Variants in GNAL observed in about 807,000 individuals in gnomAD.
The protein encoded by GNAL is G protein subunit alpha L.
In GNAL, 18 loss-of-function variants were observed where a neutral mutation model predicts 55.1. The ratio of observed to expected loss-of-function variants is 0.33; its 90% CI spans 0.23 to 0.48. GNAL has a LOEUF of 0.48. Among genes scored for constraint, GNAL ranks in the 20% least tolerant of loss-of-function variants. GNAL has a pLI of 0.99. For synonymous variants in GNAL, 253 were observed against 237.0 expected, an observed-to-expected ratio of 1.07 and a Z score of -0.62; for missense variants, 412 against 614.1, an observed-to-expected ratio of 0.67 and a Z score of 3.48.
chr18:11,710,208 G>A (rs1423742113), intron 1 of GNAL, among the ~76,000 whole-genome samples: 1 of 152,054 alleles, frequency 6.6e-6, no homozygotes, highest in Non-Finnish European at 1.5e-5. Flanking sequence ...AAGGATTTTT[G>A]CTTCTGTGGA....
chr18:11,843,708 T>C (rs2143745925), intron 5 of GNAL, among the ~76,000 whole-genome samples: 1 of 152,138 alleles, frequency 6.6e-6, no homozygotes, highest in Non-Finnish European at 1.5e-5. Flanking sequence ...GCACAGTGGC[T>C]CACACCTGTA....
At chr18:11,818,122 A>G (rs1318318268) in intron 4 of GNAL, among the ~76,000 whole-genome samples, 1 of 152,034 alleles carries the variant, frequency 6.6e-6, no homozygotes, top group Non-Finnish European at 1.5e-5. Flanking sequence ...AGTCTCAGCT[A>G]GTCAGGAGGC....
rs2031184934 is a variant in GNAL, at chr18:11,689,952, C to T, written c.376+13C>T. ...CTCCTGCTGCTCGGTAGGTCCCGGC[C>T]GCGAGGTCGGCTGACGCCCCGGGGA... On this transcript the variant is annotated intron_variant, in intron 1 of 11. Coordinates refer to ENST00000334049, the MANE Select transcript of GNAL (RefSeq NM_182978.4). 1 of 1,278,904 alleles carries T rather than the reference C, an allele frequency of 7.8e-7. No homozygotes were observed. Among genetic ancestry groups the T allele is most frequent in the Non-Finnish European group, 9.9e-7 (1 of 1,008,290 alleles). The allele number at this position is 1,278,904 out of a possible 1,614,324, so 79.2% of individuals were successfully genotyped here. A position where few individuals can be genotyped will look rare whatever the true frequency, so the allele number is the denominator to read the frequency against.
intron 5 of GNAL, among the ~76,000 whole-genome samples, chr18:11,832,285 T>C (rs1174994754): frequency 6.6e-6 from 1 of 152,174 alleles, no homozygotes; most frequent in Non-Finnish European, 1.5e-5. Flanking sequence ...TTAGGGTACA[T>C]CCATTTCAAT....
chr18:11,884,840 C>T lies in GNAL; in HGVS notation c.*3705C>T, dbSNP rs2036945841. 3 of 1,385,798 alleles carry T rather than the reference C, an allele frequency of 2.2e-6. No individual in the cohort carries two copies. The highest frequency in any genetic ancestry group is 3.0e-5 in the Admixed American group (1 of 33,498). The allele number at this position is 1,385,798 out of a possible 1,614,324, so 85.8% of individuals were successfully genotyped here. ...GCTCCAGCAGGAGAGACAAGTAAGG[C>T]CCAAGTGTGCCTGAGTGGAAAATGT... On this transcript the variant is annotated 3_prime_UTR_variant, in exon 12 of 12. Coordinates refer to ENST00000334049, the MANE Select transcript of GNAL (RefSeq NM_182978.4).
At position 11,867,542 on chromosome 18, in the gene GNAL, T is replaced by C. The variant is rs545680572; in HGVS notation, c.910+316T>C. Among the ~76,000 whole-genome samples the C allele has an allele frequency of 2.0e-5, 3 of 151,812 alleles. No individual in the cohort carries two copies. The East Asian group carries it at 5.8e-4, about 30-fold the overall frequency. On this transcript the variant is annotated intron_variant, in intron 8 of 11. Transcript: ENST00000334049. The stretch of plus-strand genomic sequence containing the variant: ...AAAAATACAAAAATTAGGCCGGGCG[T>C]GGTGGCTCATACCTGTAATCCCAGC...
At chr18:11,813,578 G>A (rs2034878446) in intron 4 of GNAL, among the ~76,000 whole-genome samples, 1 of 152,224 alleles carries the variant, frequency 6.6e-6, no homozygotes. Flanking sequence ...AACAAAGTTG[G>A]AGAAGTTAGA....
chr18:11,771,724 G>C (rs1167391992), intron 4 of GNAL, among the ~76,000 whole-genome samples: 1 of 150,832 alleles, frequency 6.6e-6, no homozygotes, highest in Non-Finnish European at 1.5e-5. Flanking sequence ...TTTGTTGTTT[G>C]TTTGTTTTGA....
chr18:11,716,927 A>G (rs1346540011), intron 1 of GNAL, among the ~76,000 whole-genome samples: 1 of 152,194 alleles, frequency 6.6e-6, no homozygotes, highest in East Asian at 1.9e-4. Context: ...GCTGCCTGCC[A>G]GTCCCGCACG....
intron 8 of GNAL, among the ~76,000 whole-genome samples, chr18:11,867,707 A>G (rs9303750): frequency 0.38 from 57,318 of 151,760 alleles, 13,795 homozygotes; most frequent in African/African-American, 0.69. Flanking sequence ...CCAGCTACTC[A>G]GGAGGCTGAG....
At chr18:11,738,341 C>T (rs776303496) in intron 1 of GNAL, among the ~76,000 whole-genome samples, 6 of 152,116 alleles carry the variant, frequency 3.9e-5, no homozygotes, top group Non-Finnish European at 8.8e-5. Flanking sequence ...CTTCTTGTAG[C>T]ATGCATTGGC....
chr18:11,781,894 A>G (rs1465584834), intron 4 of GNAL, among the ~76,000 whole-genome samples: 1 of 152,240 alleles, frequency 6.6e-6, no homozygotes, highest in Non-Finnish European at 1.5e-5. Flanking sequence ...GCAATATATA[A>G]CAGGAAACAT....
At chr18:11,853,057 A>G (rs372875350) in intron 5 of GNAL, 194 of 167,216 alleles carry the variant, frequency 1.2e-3, no homozygotes, top group African/African-American at 4.5e-3. Flanking sequence ...AAACCCTAGG[A>G]CTGTGTGTGT....
At chr18:11,865,540 G>A (rs1567900392) in intron 7 of GNAL, among the ~76,000 whole-genome samples, 1 of 146,870 alleles carries the variant, frequency 6.8e-6, no homozygotes. Context: ...GCTTGAGACC[G>A]GGTGTTCAAG....
At chr18:11,791,242 G>C (rs2034227009) in intron 4 of GNAL, among the ~76,000 whole-genome samples, 1 of 152,158 alleles carries the variant, frequency 6.6e-6, no homozygotes, top group Admixed American at 6.5e-5. Flanking sequence ...AAGTAATGTT[G>C]AAACTCTGAA....
At chr18:11,836,173 AGT>A (rs573943444) in intron 5 of GNAL, among the ~76,000 whole-genome samples, 251 of 150,882 alleles carry the variant, frequency 1.7e-3, no homozygotes, top group Non-Finnish European at 3.1e-3. Context: ...GGCCGGCTGT[AGT>A]GGCTTATGCC....
At chr18:11,780,735 G>T (rs963812295) in intron 4 of GNAL, among the ~76,000 whole-genome samples, 1 of 152,136 alleles carries the variant, frequency 6.6e-6, no homozygotes, top group African/African-American at 2.4e-5. Context: ...GAATGAATTA[G>T]ATCACAGGCA....
At chr18:11,726,320 T>G (rs1045877064) in intron 1 of GNAL, among the ~76,000 whole-genome samples, 3 of 152,256 alleles carry the variant, frequency 2.0e-5, no homozygotes, top group African/African-American at 7.2e-5. Flanking sequence ...CATTTCCACT[T>G]TATCTTCTTC....
rs117173009 is a variant in GNAL, at chr18:11,724,732, C to T, written c.377-28121C>T. Among the ~76,000 whole-genome samples, 712 of 152,278 alleles carry T rather than the reference C, an allele frequency of 4.7e-3. 5 individuals carry two copies. Among genetic ancestry groups the T allele is most frequent in the Non-Finnish European group, 7.0e-3 (478 of 68,024 alleles). ...TTTGATGATGGAGTGCTGCTGTGCA[C>T]GCCTGATGTTATAGTGTCAACCCCC... On this transcript the variant is annotated intron_variant, in intron 1 of 11. Transcript: ENST00000334049.
Sources: allele counts gnomAD v4.1 joint callset (sites outside exome capture counted in the v4.1 genomes callset), GRCh38; gene constraint gnomAD v4.1.1; transcripts MANE v1.5; gene names NCBI Gene and HGNC (gene_info 2026-07-23, HGNC 2026-07-21).